Variants in STN1 observed in about 807,000 individuals in gnomAD.
STN1 encodes CST complex subunit STN1.
A neutral mutation model predicts 45.5 loss-of-function variants in STN1; 29 were observed. The ratio of observed to expected loss-of-function variants is 0.64; its 90% CI spans 0.47 to 0.87. STN1 has a LOEUF of 0.87. STN1 is among the 40% of genes least tolerant of loss of function. The probability of loss-of-function intolerance (pLI) is 0.00; values close to 1 mark genes in which losing one functional copy is unlikely to be tolerated. For synonymous variants in STN1, 148 were observed against 159.0 expected (o/e 0.93, Z 0.52); for missense variants, 376 against 441.4 (o/e 0.85, Z 1.33).
At chr10:103,891,818 T>A (rs1438642735) in intron 8 of STN1, among the ~76,000 whole-genome samples, 1 of 152,230 alleles carries the variant, frequency 6.6e-6, no homozygotes, top group Non-Finnish European at 1.5e-5. Flanking sequence ...AAGTTGGCTC[T>A]GTGAAACCTG....
chr10:103,887,769 C>T (rs1303318108), intron 9 of STN1, among the ~76,000 whole-genome samples: 1 of 152,186 alleles, frequency 6.6e-6, no homozygotes, highest in Non-Finnish European at 1.5e-5. Context: ...ACTTTCAGGA[C>T]ACTTCAGAGA....
At chr10:103,914,456 C>G (rs1564636198) in intron 2 of STN1, among the ~76,000 whole-genome samples, 2 of 145,016 alleles carry the variant, frequency 1.4e-5, no homozygotes, top group South Asian at 2.2e-4. Flanking sequence ...CTTACTGCAG[C>G]CTTGACCTTC....
At chr10:103,890,727 A>G (rs1454571500) in intron 8 of STN1, among the ~76,000 whole-genome samples, 1 of 152,162 alleles carries the variant, frequency 6.6e-6, no homozygotes, top group African/African-American at 2.4e-5. Context: ...AAGTTATTTA[A>G]ATGGTATTGT....
rs147030611 is a variant in STN1, at chr10:103,899,315, C to T, written c.458-315G>A. Among the ~76,000 whole-genome samples, 49 of 152,346 alleles carry T rather than the reference C, an allele frequency of 3.2e-4. 1 individual carries two copies. In the East Asian group the frequency reaches 7.5e-3, roughly 23 times the overall value. On this transcript the variant is annotated intron_variant, in intron 5 of 9. Transcript: ENST00000224950. ...CTTGAGATTTCCAACTGAAAACCAGCCAGCACGTGCAAAGGGAAGATGATG... is the reference window on the plus strand; with the variant it reads ...CTTGAGATTTCCAACTGAAAACCAGTCAGCACGTGCAAAGGGAAGATGATG...
intron 4 of STN1, among the ~76,000 whole-genome samples, chr10:103,904,286 G>A (rs988476439): frequency 4.6e-5 from 7 of 151,864 alleles, no homozygotes; most frequent in African/African-American, 1.2e-4. Flanking sequence ...AATATTGCAC[G>A]ATATTCTTTC....
chr10:103,898,667 C>T (rs1363274890), intron 6 of STN1, among the ~76,000 whole-genome samples: 2 of 152,180 alleles, frequency 1.3e-5, no homozygotes, highest in African/African-American at 4.8e-5. Flanking sequence ...AATTTCCTCA[C>T]GACAACCCTA....
chr10:103,887,510 G>T (rs902056575), intron 9 of STN1, among the ~76,000 whole-genome samples: 21 of 152,108 alleles, frequency 1.4e-4, no homozygotes, highest in African/African-American at 4.6e-4. Flanking sequence ...TTCATGAGGG[G>T]CATACGTTAC....
chr10:103,882,192 GAAC>G lies in STN1; in HGVS notation c.*489_*491del, dbSNP rs1456032382. 5.4e-5 allele frequency among the ~76,000 whole-genome samples: 8 copies of G among 148,446 alleles called. No individual in the cohort carries two copies. Among genetic ancestry groups the G allele is most frequent in the Admixed American group, 6.8e-5 (1 of 14,774 alleles). On this transcript the variant is annotated 3_prime_UTR_variant, in exon 10 of 10. Transcript: ENST00000224950. Reference sequence around the variant, plus strand: ...GAAACTGTAAGCACTCATCCAGGGAGAACTACTCCCCTAAACCGGTTCTTAGCC... The same window carrying G: ...GAAACTGTAAGCACTCATCCAGGGAGTACTCCCCTAAACCGGTTCTTAGCC...
At chr10:103,899,047 T>A in intron 5 of STN1, 47 bp from the exon 6 acceptor site, 1 of 1,603,242 alleles carries the variant, frequency 6.2e-7, no homozygotes, top group Non-Finnish European at 8.5e-7. Context: ...ACAAATTACA[T>A]TGAGATCAAT....
At chr10:103,906,695 T>C (rs1843243814) in intron 3 of STN1, among the ~76,000 whole-genome samples, 2 of 151,282 alleles carry the variant, frequency 1.3e-5, no homozygotes, top group African/African-American at 2.4e-5. Flanking sequence ...CTCATATAAA[T>C]TAATAAGAAA....
rs1364917725 is a variant in STN1, at chr10:103,880,163, G to A, written c.*2521C>T. The stretch of plus-strand genomic sequence containing the variant: ...TGAGCAAAGCTGGGAGTTTTATTGA[G>A]TGATGAAACAGTTTTCAACAGAGAG... On this transcript the variant is annotated 3_prime_UTR_variant, in exon 10 of 10. Transcript: ENST00000224950. Among the ~76,000 whole-genome samples the A allele has an allele frequency of 1.3e-5, 2 of 152,208 alleles. No homozygotes were observed. Among genetic ancestry groups the A allele is most frequent in the Non-Finnish European group, 2.9e-5 (2 of 68,036 alleles).
chr10:103,915,359 T>A (rs981005560), intron 2 of STN1, among the ~76,000 whole-genome samples: 2 of 152,158 alleles, frequency 1.3e-5, no homozygotes, highest in African/African-American at 4.8e-5. Context: ...GAACAGTTGG[T>A]CTTTTAGGCA....
chr10:103,877,764 T>C lies in STN1; in HGVS notation c.*4920A>G, dbSNP rs1223373368. 6.6e-6 allele frequency: 1 copy of C among 152,224 alleles called. No homozygotes were observed. The highest frequency in any genetic ancestry group is 1.5e-5 in the Non-Finnish European group (1 of 68,044). The allele number at this position is 152,224 out of a possible 1,614,324, so 9.4% of individuals were successfully genotyped here. On this transcript the variant is annotated 3_prime_UTR_variant, in exon 10 of 10. Transcript: ENST00000224950. Reference sequence around the variant, plus strand: ...ATAAGAACCACTGCAGAGTTCTTTGTCCACAGACACCATCTCCCTTCAGGA... The same window carrying C: ...ATAAGAACCACTGCAGAGTTCTTTGCCCACAGACACCATCTCCCTTCAGGA...
chr10:103,898,877 C>T lies in STN1; in HGVS notation c.581G>A (p.Ser194Asn). 1 of 1,613,720 alleles carries T rather than the reference C, an allele frequency of 6.2e-7. No individual in the cohort carries two copies. Among genetic ancestry groups the T allele is most frequent in the Non-Finnish European group, 8.5e-7 (1 of 1,179,914 alleles). ...TCAGCAGTGATAAGTCACCACTTACCTTAGTGCCTCTTCTTTCTCTAGGGC... is the reference window on the plus strand; with the variant it reads ...TCAGCAGTGATAAGTCACCACTTACTTTAGTGCCTCTTCTTTCTCTAGGGC... ...SSALEKEEAL[S>N]NPGALDLPSL... is the part of the protein sequence containing the mutation. Residue 194 changes from serine (S) to asparagine (N), a missense_variant and splice_region_variant, in exon 6 of 10, where the codon AGC (serine) becomes AAC (asparagine). By Grantham distance (46) the Ser-to-Asn change is conservative (BLOSUM62 1). Coordinates refer to ENST00000224950, the MANE Select transcript of STN1 (RefSeq NM_024928.5).
chr10:103,889,461 G>A (rs184205941), intron 8 of STN1, among the ~76,000 whole-genome samples: 1 of 151,876 alleles, frequency 6.6e-6, no homozygotes, highest in East Asian at 1.9e-4. Context: ...AGTTTTGAGC[G>A]AGGCACAGTG....
At chr10:103,899,028 ACAGAAATTAC>A in intron 5 of STN1, 28 bp from the exon 6 acceptor site, 1 of 1,611,834 alleles carries the variant, frequency 6.2e-7, no homozygotes, top group South Asian at 1.1e-5. Flanking sequence ...AAAAGATGCT[ACAGAAATTAC>A]AAATTACATT....
In STN1 at chr10:103,880,257, T is replaced by C. The variant is rs796300478; in HGVS notation, c.*2427A>G. Reference sequence around the variant, plus strand: ...CTTAATATGGGGGAGTCTGGGTCTTTTTATGGGCTCAGAATGGGGGGAGGG... The same window carrying C: ...CTTAATATGGGGGAGTCTGGGTCTTCTTATGGGCTCAGAATGGGGGGAGGG... On this transcript the variant is annotated 3_prime_UTR_variant, in exon 10 of 10. Coordinates refer to ENST00000224950, the MANE Select transcript of STN1 (RefSeq NM_024928.5). Among the ~76,000 whole-genome samples, 39 of 152,286 alleles carry C rather than the reference T, an allele frequency of 2.6e-4. No homozygotes were observed. Among genetic ancestry groups the C allele is most frequent in the African/African-American group, 9.1e-4 (38 of 41,560 alleles).
rs1280594208 is a variant in STN1 at position 103,882,758 on chromosome 10, G to A, written c.1033C>T (p.Gln345Ter). Residue 345 changes from glutamine to a stop codon, truncating the protein, a stop_gained, in exon 10 of 10, where the codon CAG becomes TAG. Transcript: ENST00000224950. LOFTEE classifies it high-confidence loss of function. ...TCCTCCAGGAGCTCCAGAACTTGCT[G>A]CAGCACAGCCTCGCTCAGGCCCGGG... ...IRPGLSEAVL[Q>*]QVLELLEDQS... 1 of 1,614,198 alleles carries A rather than the reference G, an allele frequency of 6.2e-7. No homozygotes were observed. The highest frequency in any genetic ancestry group is 8.5e-7 in the Non-Finnish European group (1 of 1,180,046).
rs1843341364 is a variant in STN1 at position 103,917,464 on chromosome 10, G to A, written c.131C>T (p.Pro44Leu). 1 of 1,613,216 alleles carries A rather than the reference G, an allele frequency of 6.2e-7. No individual in the cohort carries two copies. The highest frequency in any genetic ancestry group is 8.5e-7 in the Non-Finnish European group (1 of 1,179,580). The change falls in exon 2 of 10, where the codon CCA (proline) becomes CTA (leucine). Residue 44 changes from proline (P) to leucine (L), a missense_variant and splice_region_variant. Physicochemically the swap from Pro to Leu is moderately conservative, Grantham distance 98. Coordinates refer to ENST00000224950, the MANE Select transcript of STN1 (RefSeq NM_024928.5). ...ILDMKESRQVPGVFLYNGHPI... is the reference protein window; with the variant it reads ...ILDMKESRQVLGVFLYNGHPI... The stretch of plus-strand genomic sequence containing the variant: ...TCCCAGGGTGGCTAGCCACATACCT[G>A]GCACCTGGCGGGACTCCTTCATGTC...
Sources: gnomAD v4.1 joint callset for allele counts (sites outside exome capture counted in the v4.1 genomes callset) on GRCh38, gnomAD v4.1.1 for gene constraint, MANE v1.5 for transcripts, NCBI Gene and HGNC (gene_info 2026-07-23, HGNC 2026-07-21) for gene names.